GUCY1A2: variants seen among roughly 807,000 people sequenced by gnomAD.
GUCY1A2 encodes the protein guanylate cyclase soluble subunit alpha-2.
Under a neutral mutation model 63.5 loss-of-function variants are expected in GUCY1A2, and 27 were observed. The ratio of observed to expected loss-of-function variants is 0.43; its 90% CI spans 0.31 to 0.59. The LOEUF (loss-of-function observed/expected upper bound fraction) is 0.59. Ranked by LOEUF, GUCY1A2 falls within the 20% of genes least tolerant of loss-of-function variation. The pLI is 0.11. For missense variants in GUCY1A2, 768 were observed against 913.3 expected (o/e 0.84, Z 2.05); for synonymous variants, 364 against 343.5 (o/e 1.06, Z -0.66).
At chr11:106,957,872 T>C (rs1861009078) in intron 3 of GUCY1A2, among the ~76,000 whole-genome samples, 1 of 77,234 alleles carries the variant, frequency 1.3e-5, no homozygotes, top group Non-Finnish European at 2.8e-5. Context: ...TTTTTTTTTT[T>C]TTTTTTTTTT....
intron 6 of GUCY1A2, among the ~76,000 whole-genome samples, chr11:106,753,110 A>ATGAC (rs1863912423): frequency 6.6e-6 from 1 of 152,194 alleles, no homozygotes; most frequent in South Asian, 2.1e-4. Context: ...CATTTCTCTA[A>ATGAC]TGACAAGTGA....
intron 7 of GUCY1A2, among the ~76,000 whole-genome samples, chr11:106,688,906 T>G (rs1350465335): frequency 6.6e-6 from 1 of 152,174 alleles, no homozygotes; most frequent in Non-Finnish European, 1.5e-5. Context: ...GAGGTAAGAA[T>G]GAGGGTTAAG....
At chr11:106,922,512 CCT>C (rs1395938344) in intron 4 of GUCY1A2, among the ~76,000 whole-genome samples, 1 of 149,104 alleles carries the variant, frequency 6.7e-6, no homozygotes, top group African/African-American at 2.5e-5. Flanking sequence ...TGTTTATATG[CCT>C]CTCTTATTAA....
intron 4 of GUCY1A2, among the ~76,000 whole-genome samples, chr11:106,871,841 ACT>A (rs1859682836): frequency 1.3e-5 from 2 of 152,114 alleles, no homozygotes; most frequent in Non-Finnish European, 2.9e-5. Flanking sequence ...TATTTAACAG[ACT>A]CATTATGAAT....
intron 4 of GUCY1A2, among the ~76,000 whole-genome samples, chr11:106,871,657 T>C (rs1859679663): frequency 6.6e-6 from 1 of 152,176 alleles, no homozygotes; most frequent in Non-Finnish European, 1.5e-5. Context: ...AAAAGCTTAT[T>C]TCCAAATAAA....
chr11:106,985,665 C>T (rs929899899), intron 2 of GUCY1A2, among the ~76,000 whole-genome samples: 4 of 152,176 alleles, frequency 2.6e-5, no homozygotes, highest in African/African-American at 9.7e-5. Context: ...TAATTCCTCT[C>T]ACTGAACTGT....
rs373623213 is a variant in GUCY1A2 at position 106,992,152 on chromosome 11, A to G, written c.304-6021T>C. On this transcript the variant is annotated intron_variant, in intron 1 of 7. Coordinates refer to ENST00000526355, the MANE Select transcript of GUCY1A2 (RefSeq NM_000855.3). ...TGTTTTTTATTTGGTTGAGCACTTT[A>G]CAGTTTGTATTTTTAATATATATTA... is the stretch of plus-strand genomic sequence containing the variant. Among the ~76,000 whole-genome samples, 40 of 152,172 alleles carry G rather than the reference A, an allele frequency of 2.6e-4. No individual in the cohort carries two copies. The East Asian group carries it at 3.5e-3, about 13-fold the overall frequency.
intron 1 of GUCY1A2, among the ~76,000 whole-genome samples, chr11:106,995,486 A>T (rs1282677146): frequency 6.6e-6 from 1 of 152,172 alleles, no homozygotes; most frequent in South Asian, 2.1e-4. Flanking sequence ...AGCAGAAAAG[A>T]TTATAGTTGA....
At chr11:106,943,191 A>C (rs1487090159) in intron 3 of GUCY1A2, among the ~76,000 whole-genome samples, 1 of 152,240 alleles carries the variant, frequency 6.6e-6, no homozygotes, top group African/African-American at 2.4e-5. Context: ...AAATTCAGAA[A>C]GCACAGACAA....
chr11:106,904,813 CCTT>C (rs1399789577), intron 4 of GUCY1A2, among the ~76,000 whole-genome samples: 1 of 151,440 alleles, frequency 6.6e-6, no homozygotes, highest in East Asian at 1.9e-4. Flanking sequence ...TGACATGACT[CCTT>C]GAGGAAAAAA....
chr11:106,676,534 G>C lies in GUCY1A2; in HGVS notation c.*11015C>G, dbSNP rs1862349422. ...TACATTGTATATTGCTTTTTCAATA[G>C]AGTAGACATAAAATTGATGACAAAT... On this transcript the variant is annotated 3_prime_UTR_variant, in exon 8 of 8. Transcript: ENST00000526355. The C allele has an allele frequency of 5.4e-6, 1 of 186,804 alleles. No individual in the cohort carries two copies. Among genetic ancestry groups the C allele is most frequent in the Non-Finnish European group, 1.1e-5 (1 of 88,536 alleles). The allele number at this position is 186,804 out of a possible 1,614,324, so 11.6% of individuals were successfully genotyped here.
chr11:106,676,952 C>G lies in GUCY1A2; in HGVS notation c.*10597G>C. The G allele has an allele frequency of 4.8e-6, 1 of 210,494 alleles. No individual in the cohort carries two copies. Among genetic ancestry groups the G allele is most frequent in the Non-Finnish European group, 9.7e-6 (1 of 103,326 alleles). The allele number at this position is 210,494 out of a possible 1,614,324, so 13.0% of individuals were successfully genotyped here. A position where few individuals can be genotyped will look rare whatever the true frequency, so the allele number is the denominator to read the frequency against. ...ACACACATAGATTTTTATAGACCCA[C>G]ATTTCTCTTGACTGACAGTCTCTGG... is the stretch of plus-strand genomic sequence containing the variant. On this transcript the variant is annotated 3_prime_UTR_variant, in exon 8 of 8. Transcript: ENST00000526355.
At chr11:106,989,695 T>C (rs1266563678) in intron 1 of GUCY1A2, among the ~76,000 whole-genome samples, 3 of 151,490 alleles carry the variant, frequency 2.0e-5, no homozygotes, top group Non-Finnish European at 3.0e-5. Context: ...TTATGAGAAG[T>C]TGACACCAAT....
At chr11:106,705,941 T>TACA (rs1345664636) in intron 7 of GUCY1A2, among the ~76,000 whole-genome samples, 11 of 152,158 alleles carry the variant, frequency 7.2e-5, no homozygotes, top group African/African-American at 2.7e-4. Flanking sequence ...CTGAGAAAAT[T>TACA]ACAAAGAAAA....
intron 4 of GUCY1A2, among the ~76,000 whole-genome samples, chr11:106,895,452 G>A (rs1053300149): frequency 3.3e-5 from 5 of 152,152 alleles, no homozygotes; most frequent in Non-Finnish European, 7.4e-5. Flanking sequence ...TCAAGGAAGG[G>A]ACCTGATGGG....
intron 4 of GUCY1A2, among the ~76,000 whole-genome samples, chr11:106,842,038 A>G (rs899827037): frequency 1.3e-5 from 2 of 151,832 alleles, no homozygotes; most frequent in East Asian, 1.9e-4. Flanking sequence ...GGTTTGGCCA[A>G]TGGTAAACGA....
chr11:106,698,204 C>T (rs1862755849), intron 7 of GUCY1A2, among the ~76,000 whole-genome samples: 1 of 143,068 alleles, frequency 7.0e-6, no homozygotes, highest in Admixed American at 7.3e-5. Flanking sequence ...ATAGCAGCCT[C>T]CATCTCCTAG....
At chr11:106,787,386 G>A (rs1235405956) in intron 5 of GUCY1A2, among the ~76,000 whole-genome samples, 1 of 133,462 alleles carries the variant, frequency 7.5e-6, no homozygotes, top group Admixed American at 8.1e-5. Context: ...GTTTCCACAA[G>A]TGAGAACGTG....
chr11:106,695,197 G>A (rs1279971245), intron 7 of GUCY1A2, among the ~76,000 whole-genome samples: 1 of 152,120 alleles, frequency 6.6e-6, no homozygotes, highest in Non-Finnish European at 1.5e-5. Context: ...TTGTGTGTTT[G>A]TATGTGTATA....
Sources: allele counts gnomAD v4.1 joint callset (sites outside exome capture counted in the v4.1 genomes callset), GRCh38; gene constraint gnomAD v4.1.1; transcripts MANE v1.5; gene names NCBI Gene and HGNC (gene_info 2026-07-23, HGNC 2026-07-21).